The following CS variants were observed in gnomAD, a reference collection of about 807,000 sequenced individuals.
The protein encoded by CS is citrate synthase, also known as citrate synthase, mitochondrial.
In CS, 13 loss-of-function variants were observed where a neutral mutation model predicts 61.4. That is an observed-to-expected ratio of 0.21 (90% CI 0.14 to 0.34). CS has a LOEUF of 0.34. CS is among the 10% of genes least tolerant of loss of function. CS has a pLI of 1.00. For missense variants in CS, 278 were observed against 573.4 expected, an observed-to-expected ratio of 0.48 and a Z score of 5.26; for synonymous variants, 159 against 215.2, an observed-to-expected ratio of 0.74 and a Z score of 2.29.
intron 1 of CS, chr12:56,291,584 C>T (rs1873127575): frequency 6.5e-6 from 1 of 153,942 alleles, no homozygotes; most frequent in African/African-American, 2.4e-5. Context: ...TGGCTCTGAA[C>T]AGTACATTCA....
intron 6 of CS, among the ~76,000 whole-genome samples, chr12:56,281,851 T>G (rs1872785606): frequency 6.6e-6 from 1 of 152,134 alleles, no homozygotes; most frequent in East Asian, 1.9e-4. Flanking sequence ...ATACCTCTGT[T>G]ACAGCAAGAC....
chr12:56,282,385 C>T, intron 6 of CS, 35 bp downstream of exon 6: 6 of 1,509,682 alleles, frequency 4.0e-6, no homozygotes, highest in Non-Finnish European at 3.6e-6. Context: ...TTTGAATCCC[C>T]ATCACACACC....
intron 1 of CS, among the ~76,000 whole-genome samples, chr12:56,290,181 C>A (rs1227309858): frequency 1.3e-5 from 2 of 152,006 alleles, no homozygotes; most frequent in Non-Finnish European, 2.9e-5. Context: ...CAGGTATGAG[C>A]CACAGTGCCC....
At chr12:56,284,643 T>C (rs1231877804) in intron 3 of CS, among the ~76,000 whole-genome samples, 1 of 151,572 alleles carries the variant, frequency 6.6e-6, no homozygotes, top group Admixed American at 6.6e-5. Context: ...GGCTCACGCC[T>C]GTAATCCCAG....
In CS at chr12:56,300,091, G is replaced by A; in HGVS notation, c.42+69C>T. 29 of 1,485,066 alleles carry A rather than the reference G, an allele frequency of 2.0e-5. No homozygotes were observed. The South Asian group carries it at 2.4e-4, about 13-fold the overall frequency. The allele number at this position is 1,485,066 out of a possible 1,614,324, so 92.0% of individuals were successfully genotyped here. On this transcript the variant is annotated intron_variant, in intron 1 of 10. Coordinates refer to ENST00000351328, the MANE Select transcript of CS (RefSeq NM_004077.3). ...CGCACGGGTGTGGGAGGGAGACCCC[G>A]GCGCCGGAGGGCCTGCGGTCGCCTC...
At chr12:56,290,485 C>T (rs1873086686) in intron 1 of CS, among the ~76,000 whole-genome samples, 1 of 152,156 alleles carries the variant, frequency 6.6e-6, no homozygotes, top group Non-Finnish European at 1.5e-5. Flanking sequence ...GCTGGGATTA[C>T]AGGCGTGAGC....
intron 1 of CS, among the ~76,000 whole-genome samples, chr12:56,293,707 C>A (rs1873205374): frequency 6.6e-6 from 1 of 152,162 alleles, no homozygotes; most frequent in African/African-American, 2.4e-5. Flanking sequence ...GAGCAAGACT[C>A]CGTCTCAAAA....
chr12:56,279,352 A>G (rs567481862), intron 6 of CS, among the ~76,000 whole-genome samples: 1 of 152,334 alleles, frequency 6.6e-6, no homozygotes, highest in African/African-American at 2.4e-5. Flanking sequence ...TAAAAGCTCA[A>G]GAAGGCTGGG....
intron 1 of CS, among the ~76,000 whole-genome samples, chr12:56,295,814 C>T (rs1465465409): frequency 6.6e-6 from 1 of 151,128 alleles, no homozygotes; most frequent in Non-Finnish European, 1.5e-5. Flanking sequence ...ATTAGCGGGG[C>T]GAGGTGGTGG....
chr12:56,277,898 G>A (rs1274125916), intron 6 of CS, among the ~76,000 whole-genome samples: 1 of 151,896 alleles, frequency 6.6e-6, no homozygotes, highest in East Asian at 1.9e-4. Flanking sequence ...CAAAGTTCTG[G>A]GATTACAGGA....
intron 6 of CS, among the ~76,000 whole-genome samples, chr12:56,280,615 G>A (rs1263476461): frequency 1.3e-5 from 2 of 151,498 alleles, no homozygotes; most frequent in African/African-American, 2.4e-5. Context: ...TGATTAGAGA[G>A]AGACCTATTT....
chr12:56,286,020 A>G lies in CS; in HGVS notation c.97T>C (p.Leu33=). Residue 33 remains leucine, a synonymous_variant, in exon 3 of 11, where the codon TTG becomes CTG. Transcript: ENST00000351328. ...ARHASASSTN[L]KDILADLIPK... ...ATCAGGTCAGCCAATATGTCTTTCA[A>G]ATTCTAAAAAGAAAAGTAGAAGGAC... is the stretch of plus-strand genomic sequence containing the variant. The G allele has an allele frequency of 1.2e-6, 2 of 1,612,324 alleles. No homozygotes were observed. Among genetic ancestry groups the G allele is most frequent in the Non-Finnish European group, 1.7e-6 (2 of 1,178,302 alleles).
chr12:56,283,283 G>A (rs976861111), intron 4 of CS, among the ~76,000 whole-genome samples: 3 of 151,900 alleles, frequency 2.0e-5, no homozygotes, highest in African/African-American at 4.8e-5. Context: ...TCACACTGTC[G>A]CCCAGGCTGG....
At chr12:56,295,023 C>T (rs1249481162) in intron 1 of CS, among the ~76,000 whole-genome samples, 1 of 152,088 alleles carries the variant, frequency 6.6e-6, no homozygotes, top group Non-Finnish European at 1.5e-5. Flanking sequence ...ACCTCAGTCT[C>T]CCAAAGGGCT....
rs1872525849 is a variant in CS, at chr12:56,271,794, A to T, written c.*1290T>A. On this transcript the variant is annotated 3_prime_UTR_variant, in exon 11 of 11. Coordinates refer to ENST00000351328, the MANE Select transcript of CS (RefSeq NM_004077.3). ...TTACCCAGGGGTTTACAGTGTGTCC[A>T]ACTCAACAGTGTGGTTCTGGGACTG... The T allele has an allele frequency of 6.7e-6, 3 of 449,878 alleles. No individual in the cohort carries two copies. The highest frequency in any genetic ancestry group is 4.7e-5 in the South Asian group (3 of 63,500). 27.9% of individuals were successfully genotyped at this position (449,878 alleles called of 1,614,324 possible). A position where few individuals can be genotyped will look rare whatever the true frequency, so the allele number is the denominator to read the frequency against.
At chr12:56,298,628 A>AG in intron 1 of CS, 2 of 985,470 alleles carry the variant, frequency 2.0e-6, no homozygotes, top group Non-Finnish European at 2.4e-6. Flanking sequence ...CAGCAGCAGG[A>AG]GAAGCAACAG....
Position 56,272,481 on chromosome 12 carries a change from A to G in CS, c.*603T>C, listed in dbSNP as rs1872540993. Reference sequence around the variant, plus strand: ...TTAATTTTAATTGGATAGTTTTAAAAAAAAAATCAAACATTGGGTGCCAGT... The same window carrying G: ...TTAATTTTAATTGGATAGTTTTAAAGAAAAAATCAAACATTGGGTGCCAGT... On this transcript the variant is annotated 3_prime_UTR_variant, in exon 11 of 11. Transcript: ENST00000351328. 6.6e-6 allele frequency: 1 copy of G among 152,566 alleles called. No homozygotes were observed. 9.5% of individuals were successfully genotyped at this position (152,566 alleles called of 1,614,324 possible). A position where few individuals can be genotyped will look rare whatever the true frequency, so the allele number is the denominator to read the frequency against.
At chr12:56,295,609 T>G (rs1873273692) in intron 1 of CS, among the ~76,000 whole-genome samples, 1 of 152,162 alleles carries the variant, frequency 6.6e-6, no homozygotes, top group Non-Finnish European at 1.5e-5. Flanking sequence ...TCTGTCATCA[T>G]AATACTTTCT....
chr12:56,281,732 C>A (rs1051846341), intron 6 of CS, among the ~76,000 whole-genome samples: 1 of 152,034 alleles, frequency 6.6e-6, no homozygotes, highest in Non-Finnish European at 1.5e-5. Context: ...AGGCTGATCT[C>A]AAACTCCTGG....
Sources: allele counts gnomAD v4.1 joint callset (sites outside exome capture counted in the v4.1 genomes callset), GRCh38; gene constraint gnomAD v4.1.1; transcripts MANE v1.5; gene names NCBI Gene and HGNC (gene_info 2026-07-23, HGNC 2026-07-21).